Variants in VWDE observed in about 807,000 individuals in gnomAD.
The protein encoded by VWDE is von Willebrand factor D and EGF domains.
Under a neutral mutation model 178.4 loss-of-function variants are expected in VWDE, and 207 were observed. That is an observed-to-expected ratio of 1.16 (90% CI 1.04 to 1.30). The LOEUF (loss-of-function observed/expected upper bound fraction) is 1.30, where lower values mean the gene tolerates loss of function less well. Ranked by LOEUF, VWDE falls within the 50% of genes most tolerant of loss-of-function variation. VWDE has a pLI of 0.00. For synonymous variants in VWDE, 738 were observed against 651.4 expected (o/e 1.13, Z -2.02); for missense variants, 2,287 against 1,901.3 (o/e 1.20, Z -3.77).
Position 12,344,390 on chromosome 7 carries a change from A to G in VWDE, c.3966T>C (p.Gly1322=), listed in dbSNP as rs1328300158. 6.4e-7 allele frequency: 1 copy of G among 1,551,016 alleles called. No homozygotes were observed. The highest frequency in any genetic ancestry group is 8.7e-7 in the Non-Finnish European group (1 of 1,146,596). ...GTTACCTACCAGTTTGGCAGTTAGAACCAATGTAACCAGGTTTACATTTGC... is the reference window on the plus strand; with the variant it reads ...GTTACCTACCAGTTTGGCAGTTAGAGCCAATGTAACCAGGTTTACATTTGC... ...NICKCKPGYI[G]SNCQTALCDP... The change falls in exon 20 of 29, where the codon GGT becomes GGC. Residue 1322 remains glycine, a synonymous_variant. Transcript: ENST00000275358.
At chr7:12,383,374 T>G (rs1285638042) in intron 4 of VWDE, among the ~76,000 whole-genome samples, 162 bp downstream of exon 4, 1 of 152,148 alleles carries the variant, frequency 6.6e-6, no homozygotes, top group African/African-American at 2.4e-5. Flanking sequence ...GAGGACTATT[T>G]CTTAAAGGCA....
At chr7:12,374,783 T>C (rs1197742446) in intron 8 of VWDE, 21 bp from the exon 9 acceptor site, 2 of 1,459,340 alleles carry the variant, frequency 1.4e-6, no homozygotes, top group Non-Finnish European at 1.9e-6. Flanking sequence ...AAGATATTTT[T>C]GGTAAATATT....
Position 12,399,851 on chromosome 7 carries a change from C to G in VWDE, c.58+3808G>C, listed in dbSNP as rs148140811. On this transcript the variant is annotated intron_variant, in intron 1 of 28. Transcript: ENST00000275358. Reference sequence around the variant, plus strand: ...ATAACATAAAATAAAAATTGAAATTCAAAAAGATGAAATTCATATAAAGTA... The same window carrying G: ...ATAACATAAAATAAAAATTGAAATTGAAAAAGATGAAATTCATATAAAGTA... 4.4e-4 allele frequency among the ~76,000 whole-genome samples: 67 copies of G among 151,826 alleles called. No homozygotes were observed. In the East Asian group the frequency reaches 0.012, roughly 28 times the overall value.
intron 19 of VWDE, among the ~76,000 whole-genome samples, chr7:12,349,666 A>G (rs73296585): frequency 6.6e-6 from 1 of 151,908 alleles, no homozygotes; most frequent in African/African-American, 2.4e-5. Flanking sequence ...ACAAATCAAT[A>G]AAAAAGGCAA....
intron 16 of VWDE, among the ~76,000 whole-genome samples, chr7:12,357,728 T>G (rs1782338811): frequency 6.6e-6 from 1 of 152,036 alleles, no homozygotes; most frequent in South Asian, 2.1e-4. Flanking sequence ...ACCTCAGGCA[T>G]TATTATGAAA....
At position 12,373,053 on chromosome 7, in the gene VWDE, G is replaced by A. The variant is rs538338605; in HGVS notation, c.1511C>T (p.Pro504Leu). Residue 504 changes from proline (P) to leucine (L), a missense_variant, in exon 10 of 29, where the codon CCA becomes CTA. Transcript: ENST00000275358. ...MCNGQLRESQ[P>L]YLFIKSQDVT... ...ATCTTGGCTTTTTATGAACAAATATGGTTGTGATTCACGTAGCTGACCATT... is the reference window on the plus strand; with the variant it reads ...ATCTTGGCTTTTTATGAACAAATATAGTTGTGATTCACGTAGCTGACCATT... 11 of 1,551,126 alleles carry A rather than the reference G, an allele frequency of 7.1e-6. No homozygotes were observed. The East Asian group carries it at 9.8e-5, about 14-fold the overall frequency.
chr7:12,331,108 T>A lies in VWDE; in HGVS notation c.*75A>T, dbSNP rs1413568140. On this transcript the variant is annotated 3_prime_UTR_variant, in exon 29 of 29. Transcript: ENST00000275358. Reference sequence around the variant, plus strand: ...GAATGATGTTCAAATAAACTCCAAGTTATCTCCAACTTTTTCTGAACAAAA... The same window carrying A: ...GAATGATGTTCAAATAAACTCCAAGATATCTCCAACTTTTTCTGAACAAAA... 4 of 1,269,436 alleles carry A rather than the reference T, an allele frequency of 3.2e-6. No individual in the cohort carries two copies. Among genetic ancestry groups the A allele is most frequent in the Non-Finnish European group, 4.4e-6 (4 of 916,364 alleles). The allele number at this position is 1,269,436 out of a possible 1,614,324, so 78.6% of individuals were successfully genotyped here.
At chr7:12,341,500 C>T (rs1404112164) in intron 23 of VWDE, among the ~76,000 whole-genome samples, 3 of 151,976 alleles carry the variant, frequency 2.0e-5, no homozygotes, top group Non-Finnish European at 4.4e-5. Flanking sequence ...GGCATGGTGG[C>T]ATGCTCCTGT....
At chr7:12,371,388 T>A (rs1389261391) in intron 10 of VWDE, among the ~76,000 whole-genome samples, 1 of 152,060 alleles carries the variant, frequency 6.6e-6, no homozygotes, top group Non-Finnish European at 1.5e-5. Context: ...CAAGGAGAGT[T>A]TGCTGAATGA....
At chr7:12,380,052 C>T (rs563090769) in intron 5 of VWDE, among the ~76,000 whole-genome samples, 53 of 150,874 alleles carry the variant, frequency 3.5e-4, no homozygotes, top group Non-Finnish European at 1.2e-4. Flanking sequence ...GAGCAACCTC[C>T]GAGATCGCGC....
At chr7:12,347,130 G>T (rs1225804723) in intron 19 of VWDE, among the ~76,000 whole-genome samples, 2 of 152,166 alleles carry the variant, frequency 1.3e-5, no homozygotes, top group African/African-American at 4.8e-5. Flanking sequence ...TGGACTAGCA[G>T]TCCCCAGAAG....
At chr7:12,345,487 C>T (rs1018810173) in intron 19 of VWDE, among the ~76,000 whole-genome samples, 1 of 152,146 alleles carries the variant, frequency 6.6e-6, no homozygotes, top group South Asian at 2.1e-4. Context: ...ACCAAGAAAA[C>T]AAGGCTAGCC....
chr7:12,370,068 T>A lies in VWDE; in HGVS notation c.2238A>T (p.Arg746=). 6.4e-7 allele frequency: 1 copy of A among 1,551,596 alleles called. No individual in the cohort carries two copies. Among genetic ancestry groups the A allele is most frequent in the Non-Finnish European group, 8.7e-7 (1 of 1,146,904 alleles). ...AGTTCTGCCGTTTCCATCTGTTTTG[T>A]CGATTGTACCTCATTTCTTGGCTGT... is the stretch of plus-strand genomic sequence containing the variant. ...GSHSQEMRYN[R]QNRWKRQNFH... The change falls in exon 12 of 29, where the codon CGA becomes CGT. Residue 746 remains arginine (R), a synonymous_variant. Coordinates refer to ENST00000275358, the MANE Select transcript of VWDE (RefSeq NM_001135924.3).
intron 9 of VWDE, 146 bp downstream of exon 9, chr7:12,374,543 T>G: frequency 1.9e-6 from 1 of 537,692 alleles, no homozygotes; most frequent in Non-Finnish European, 3.3e-6. Flanking sequence ...ACAAATAAAC[T>G]AGTATCTTGA....
At chr7:12,390,130 A>G (rs1784310444) in intron 2 of VWDE, among the ~76,000 whole-genome samples, 1 of 151,220 alleles carries the variant, frequency 6.6e-6, no homozygotes, top group Admixed American at 6.6e-5. Context: ...GCACCACTGC[A>G]CTCCAGCCTG....
At chr7:12,398,133 C>T (rs1784712384) in intron 1 of VWDE, among the ~76,000 whole-genome samples, 1 of 152,118 alleles carries the variant, frequency 6.6e-6, no homozygotes, top group African/African-American at 2.4e-5. Flanking sequence ...GCAGTATTCA[C>T]AGTAGCAAAG....
At chr7:12,372,651 C>A (rs1783269425) in intron 10 of VWDE, among the ~76,000 whole-genome samples, 1 of 151,968 alleles carries the variant, frequency 6.6e-6, no homozygotes, top group South Asian at 2.1e-4. Context: ...TTGATTATTC[C>A]TAAATATTTG....
intron 7 of VWDE, among the ~76,000 whole-genome samples, chr7:12,375,711 C>A (rs1412038825): frequency 3.3e-5 from 5 of 151,952 alleles, no homozygotes; most frequent in Non-Finnish European, 5.9e-5. Context: ...AAGGGCTTAT[C>A]ATCTCAAAAA....
At chr7:12,351,858 C>G (rs1057159725) in intron 18 of VWDE, 145 bp from the exon 19 acceptor site, 3 of 683,124 alleles carry the variant, frequency 4.4e-6, no homozygotes, top group African/African-American at 1.9e-5. Context: ...ATCTCTTCTG[C>G]ACACTTTTCT....
Sources: allele counts gnomAD v4.1 joint callset (sites outside exome capture counted in the v4.1 genomes callset), GRCh38; gene constraint gnomAD v4.1.1; transcripts MANE v1.5; gene names NCBI Gene and HGNC (gene_info 2026-07-23, HGNC 2026-07-21).